The following EPHX1 variants were observed in gnomAD, a reference collection of about 807,000 sequenced individuals.
EPHX1 encodes the protein epoxide hydratase.
In EPHX1, 40 loss-of-function variants were observed where a neutral mutation model predicts 43.2. That is an observed-to-expected ratio of 0.93 (90% CI 0.72 to 1.21). The LOEUF is 1.21. Among genes scored for constraint, EPHX1 ranks in the 50% most tolerant of loss-of-function variants. The pLI, the probability that EPHX1 is intolerant of heterozygous loss-of-function variation, is 0.00. For synonymous variants in EPHX1, 221 were observed against 226.7 expected, an observed-to-expected ratio of 0.98 and a Z score of 0.22; for missense variants, 550 against 570.4, an observed-to-expected ratio of 0.96 and a Z score of 0.36.
At chr1:225,836,854 G>C (rs1484573111) in intron 3 of EPHX1, among the ~76,000 whole-genome samples, 1 of 152,220 alleles carries the variant, frequency 6.6e-6, no homozygotes. Flanking sequence ...ATACATCCTA[G>C]AGATGGGCTG....
intron 2 of EPHX1, among the ~76,000 whole-genome samples, chr1:225,830,524 G>A (rs1272432246): frequency 6.6e-6 from 1 of 152,162 alleles, no homozygotes; most frequent in Non-Finnish European, 1.5e-5. Flanking sequence ...GGGTGCAGTG[G>A]TGCGATCTTG....
chr1:225,843,835 TAGTTTTCATTGACC>T, intron 7 of EPHX1, among the ~76,000 whole-genome samples: 2 of 152,384 alleles, frequency 1.3e-5, no homozygotes, highest in African/African-American at 4.8e-5. Flanking sequence ...ATACTGGAAC[TAGTTTTCATTGACC>T]AGTTTTCATT....
rs907342628 is a variant in EPHX1 at position 225,823,054 on chromosome 1, G to A, written c.-5-5671G>A. ...GGAACACACATGTTGATAATAAGTA[G>A]TTCAACATTATTATCCCCATTTTAC... On this transcript the variant is annotated intron_variant, in intron 1 of 8. Coordinates refer to ENST00000272167, the MANE Select transcript of EPHX1 (RefSeq NM_001136018.4). Among the ~76,000 whole-genome samples the A allele has an allele frequency of 3.3e-5, 5 of 152,258 alleles. No individual in the cohort carries two copies. The East Asian group carries it at 9.6e-4, about 29-fold the overall frequency.
chr1:225,828,594 G>A (rs1667391681), intron 1 of EPHX1, 131 bp from the exon 2 acceptor site: 1 of 633,724 alleles, frequency 1.6e-6, no homozygotes. Context: ...TATATATTAG[G>A]TCAAGTGTAA....
intron 6 of EPHX1, among the ~76,000 whole-genome samples, chr1:225,841,504 G>T (rs565383937): frequency 2.0e-5 from 3 of 151,368 alleles, no homozygotes; most frequent in East Asian, 1.9e-4. Context: ...GGCTGGTCTC[G>T]AACTCCTGAC....
rs767033087 is a variant in EPHX1, at chr1:225,845,364, CGCCT to C, written c.*21_*24del. The C allele has an allele frequency of 5.9e-5, 93 of 1,563,936 alleles. No individual in the cohort carries two copies. In the African/African-American group the frequency reaches 7.9e-4, roughly 13 times the overall value. On this transcript the variant is annotated 3_prime_UTR_variant, in exon 9 of 9. Coordinates refer to ENST00000272167, the MANE Select transcript of EPHX1 (RefSeq NM_001136018.4). ...CGGCAATGACCCACCCCTCTCCCCC[CGCCT>C]GCCACCTCCCCCCACAAGTGCCCTC...
intron 3 of EPHX1, 185 bp downstream of exon 3, chr1:225,832,144 C>T (rs1667641145): frequency 1.5e-6 from 1 of 677,782 alleles, no homozygotes; most frequent in African/African-American, 1.8e-5. Context: ...ATCTGTCCAT[C>T]TTTAGAGCTA....
In EPHX1 at chr1:225,810,179, CG is replaced by C. The variant is rs1383228297; in HGVS notation, c.-6+14del. On this transcript the variant is annotated intron_variant, in intron 1 of 8. Transcript: ENST00000272167. ...CCTGCGAGCCGAGACCGTAAGCGCC[CG>C]GGGCCGGCCGGGCCCGCACTCCCCG... The C allele has an allele frequency of 6.6e-6, 1 of 151,464 alleles. No individual in the cohort carries two copies. The highest frequency in any genetic ancestry group is 2.4e-5 in the African/African-American group (1 of 41,338). 9.4% of individuals were successfully genotyped at this position (151,464 alleles called of 1,614,324 possible).
intron 1 of EPHX1, among the ~76,000 whole-genome samples, chr1:225,826,447 C>CAAAAAAAAAAAAAA (rs374232833): frequency 1.2e-5 from 1 of 84,174 alleles, no homozygotes; most frequent in Non-Finnish European, 2.2e-5. Flanking sequence ...GACTCTGTCT[C>CAAAAAAAAAAAAAA]AAAAAAAAAA....
At chr1:225,813,821 C>T (rs958765644) in intron 1 of EPHX1, among the ~76,000 whole-genome samples, 31 of 152,158 alleles carry the variant, frequency 2.0e-4, no homozygotes, top group African/African-American at 7.5e-4. Context: ...TGGTCCAGCC[C>T]CCGCACAGCC....
At position 225,813,776 on chromosome 1, in the gene EPHX1, G is replaced by A. The variant is rs117984678; in HGVS notation, c.-6+3607G>A. Among the ~76,000 whole-genome samples the A allele has an allele frequency of 6.6e-4, 100 of 152,280 alleles. 1 individual carries two copies. The East Asian group carries it at 9.1e-3, about 14-fold the overall frequency. ...CCCGCCCTGCTGTCTGTGTCTTTCC[G>A]TCTGTTGCCTGGTGGGTGGGTGTGG... On this transcript the variant is annotated intron_variant, in intron 1 of 8. Coordinates refer to ENST00000272167, the MANE Select transcript of EPHX1 (RefSeq NM_001136018.4).
At chr1:225,828,680 G>C (rs41266229) in intron 1 of EPHX1, 45 bp from the exon 2 acceptor site, 2 of 1,603,838 alleles carry the variant, frequency 1.2e-6, no homozygotes, top group Non-Finnish European at 1.7e-6. Flanking sequence ...TGTCAGGGCC[G>C]GGCTGGGCGG....
chr1:225,842,320 TG>T, intron 6 of EPHX1, 45 bp from the exon 7 acceptor site: 1 of 1,398,350 alleles, frequency 7.2e-7, no homozygotes, highest in Non-Finnish European at 1.0e-6. Context: ...TCCAGCTCTC[TG>T]GTCCCCAGGC....
intron 2 of EPHX1, among the ~76,000 whole-genome samples, chr1:225,831,510 G>A (rs889590548): frequency 2.0e-5 from 3 of 150,914 alleles, no homozygotes; most frequent in Non-Finnish European, 2.9e-5. Context: ...TCACGCCACT[G>A]CCCTCCAGCC....
chr1:225,823,938 C>A (rs1667103840), intron 1 of EPHX1, among the ~76,000 whole-genome samples: 1 of 152,296 alleles, frequency 6.6e-6, no homozygotes, highest in Admixed American at 6.5e-5. Flanking sequence ...TTTCCCCTTA[C>A]TCCACATAAA....
At chr1:225,839,111 C>G in intron 4 of EPHX1, 106 bp from the exon 5 acceptor site, 2 of 1,573,004 alleles carry the variant, frequency 1.3e-6, no homozygotes, top group South Asian at 2.3e-5. Context: ...TTTCTGACCT[C>G]CACCTGGGGG....
chr1:225,815,741 C>A (rs1232560184), intron 1 of EPHX1, among the ~76,000 whole-genome samples: 1 of 152,198 alleles, frequency 6.6e-6, no homozygotes, highest in East Asian at 1.9e-4. Flanking sequence ...ACAGGAAGCA[C>A]CCCTAGTCCT....
intron 1 of EPHX1, among the ~76,000 whole-genome samples, chr1:225,826,508 G>A (rs1667249784): frequency 6.6e-6 from 1 of 150,464 alleles, no homozygotes; most frequent in Non-Finnish European, 1.5e-5. Flanking sequence ...GATGGAACAT[G>A]CATCAACGTG....
intron 1 of EPHX1, among the ~76,000 whole-genome samples, chr1:225,824,983 A>C (rs1236605581): frequency 6.6e-6 from 1 of 152,230 alleles, no homozygotes. Context: ...AGTGGCTGTA[A>C]GGCACCATCC....
Sources: allele counts gnomAD v4.1 joint callset (sites outside exome capture counted in the v4.1 genomes callset), GRCh38; gene constraint gnomAD v4.1.1; transcripts MANE v1.5; gene names NCBI Gene and HGNC (gene_info 2026-07-23, HGNC 2026-07-21).